Variants in PBX3 observed in about 807,000 individuals in gnomAD.
PBX3 encodes the protein pre-B-cell leukemia transcription factor 3.
Under a neutral mutation model 48.5 loss-of-function variants are expected in PBX3, and 14 were observed. That is an observed-to-expected ratio of 0.29 (90% confidence interval 0.19 to 0.45). PBX3 has a LOEUF of 0.45. Ranked by LOEUF, PBX3 falls within the 20% of genes least tolerant of loss-of-function variation. The pLI is 1.00. For synonymous variants in PBX3, 210 were observed against 200.3 expected, an observed-to-expected ratio of 1.05 and a Z score of -0.41; for missense variants, 386 against 546.7, an observed-to-expected ratio of 0.71 and a Z score of 2.93.
intron 2 of PBX3, among the ~76,000 whole-genome samples, chr9:125,900,469 T>TA (rs1344934665): frequency 6.6e-6 from 1 of 151,604 alleles, no homozygotes; most frequent in East Asian, 1.9e-4. Flanking sequence ...GCTGTATTGT[T>TA]AAAATCAGGC....
chr9:125,857,060 T>G (rs954784495), intron 2 of PBX3, among the ~76,000 whole-genome samples: 1 of 152,202 alleles, frequency 6.6e-6, no homozygotes, highest in East Asian at 1.9e-4. Context: ...CAGAAATTGA[T>G]ATTAAATATG....
chr9:125,818,514 T>A (rs1272258194), intron 2 of PBX3, among the ~76,000 whole-genome samples: 1 of 151,674 alleles, frequency 6.6e-6, no homozygotes, highest in East Asian at 1.9e-4. Context: ...TTTATTTTAA[T>A]TTTTTTTGTA....
At chr9:125,755,775 T>C (rs1836501197) in intron 2 of PBX3, among the ~76,000 whole-genome samples, 1 of 151,254 alleles carries the variant, frequency 6.6e-6, no homozygotes, top group Non-Finnish European at 1.5e-5. Flanking sequence ...GATTCTTTTT[T>C]CCCCCTCCTA....
At chr9:125,933,063 C>T (rs993510088) in intron 4 of PBX3, among the ~76,000 whole-genome samples, 1 of 152,180 alleles carries the variant, frequency 6.6e-6, no homozygotes, top group African/African-American at 2.4e-5. Context: ...AGGATGCTTT[C>T]TAAAAAATAA....
chr9:125,851,823 T>A (rs1839587647), intron 2 of PBX3, among the ~76,000 whole-genome samples: 1 of 151,630 alleles, frequency 6.6e-6, no homozygotes, highest in Admixed American at 6.6e-5. Flanking sequence ...GCTCCTTAAT[T>A]AAAAGCATTT....
chr9:125,888,049 T>C (rs762920622), intron 2 of PBX3, among the ~76,000 whole-genome samples: 5 of 152,154 alleles, frequency 3.3e-5, no homozygotes, highest in Non-Finnish European at 5.9e-5. Flanking sequence ...ATAAGTGTAA[T>C]AGATAGACTT....
At chr9:125,751,850 CT>C (rs1836384062) in intron 2 of PBX3, among the ~76,000 whole-genome samples, 1 of 152,140 alleles carries the variant, frequency 6.6e-6, no homozygotes, top group African/African-American at 2.4e-5. Flanking sequence ...GCCCCCACCT[CT>C]TTTTGGTCAT....
chr9:125,862,850 G>A (rs4240492), intron 2 of PBX3, among the ~76,000 whole-genome samples: 152,185 of 152,368 alleles, frequency 1, 76,001 homozygotes, highest in Middle Eastern at 1. Flanking sequence ...AATTTATTTT[G>A]TATGTATTTT....
chr9:125,928,422 GT>G (rs140323051), intron 3 of PBX3, among the ~76,000 whole-genome samples: 3 of 142,388 alleles, frequency 2.1e-5, no homozygotes, highest in Admixed American at 7.0e-5. Flanking sequence ...GTGTGTGTGT[GT>G]TTTTGTGTAT....
chr9:125,837,665 G>C (rs532599412), intron 2 of PBX3, among the ~76,000 whole-genome samples: 66 of 151,914 alleles, frequency 4.3e-4, no homozygotes, highest in African/African-American at 1.5e-3. Context: ...AAGGTCTCAA[G>C]ACTTTTTTTT....
chr9:125,821,639 G>A (rs1405644091), intron 2 of PBX3, among the ~76,000 whole-genome samples: 1 of 151,986 alleles, frequency 6.6e-6, no homozygotes, highest in African/African-American at 2.4e-5. Flanking sequence ...CGAATTTATT[G>A]CTTAACTCAT....
intron 2 of PBX3, among the ~76,000 whole-genome samples, chr9:125,791,902 AG>A (rs1397690143): frequency 2.0e-5 from 3 of 151,810 alleles, no homozygotes; most frequent in Admixed American, 1.3e-4. Flanking sequence ...AAAAAAAAAA[AG>A]TTTCCTTAAG....
At chr9:125,854,925 TG>T (rs1341253422) in intron 2 of PBX3, among the ~76,000 whole-genome samples, 2 of 152,234 alleles carry the variant, frequency 1.3e-5, no homozygotes, top group Admixed American at 1.3e-4. Flanking sequence ...AGATAATATC[TG>T]TTTGTAAGGG....
chr9:125,949,502 C>T (rs1286503684), intron 5 of PBX3: 2 of 1,549,534 alleles, frequency 1.3e-6, no homozygotes, highest in Non-Finnish European at 1.7e-6. Flanking sequence ...TGTGTCTGTT[C>T]TTAGTCTCTG....
chr9:125,880,897 T>C (rs976017060), intron 2 of PBX3, among the ~76,000 whole-genome samples: 1 of 152,082 alleles, frequency 6.6e-6, no homozygotes, highest in Non-Finnish European at 1.5e-5. Flanking sequence ...TAAAAAACTG[T>C]CTTATTGAAT....
chr9:125,834,595 G>T (rs1034559535), intron 2 of PBX3, among the ~76,000 whole-genome samples: 1 of 150,982 alleles, frequency 6.6e-6, no homozygotes, highest in Non-Finnish European at 1.5e-5. Flanking sequence ...CGGGGGTTGC[G>T]CCAAGTTGAC....
chr9:125,852,767 T>C (rs1839617512), intron 2 of PBX3, among the ~76,000 whole-genome samples: 1 of 152,184 alleles, frequency 6.6e-6, no homozygotes, highest in African/African-American at 2.4e-5. Flanking sequence ...CTGAGAATAT[T>C]ACCTTTCCAG....
intron 2 of PBX3, among the ~76,000 whole-genome samples, chr9:125,767,914 C>G (rs542159889): frequency 1.0e-3 from 157 of 152,090 alleles, no homozygotes; most frequent in Admixed American, 1.8e-3. Flanking sequence ...AAGGCAGGAG[C>G]AGGCTAGCAA....
chr9:125,867,268 C>T (rs1178377474), intron 2 of PBX3, among the ~76,000 whole-genome samples: 2 of 151,826 alleles, frequency 1.3e-5, no homozygotes, highest in Non-Finnish European at 2.9e-5. Flanking sequence ...GAATAGAAGC[C>T]ATGGGTAATA....
Sources: allele counts gnomAD v4.1 joint callset (sites outside exome capture counted in the v4.1 genomes callset), GRCh38; gene constraint gnomAD v4.1.1; transcripts MANE v1.5; gene names NCBI Gene and HGNC (gene_info 2026-07-23, HGNC 2026-07-21).